PIKFYVE: variants seen among roughly 807,000 people sequenced by gnomAD.
PIKFYVE encodes 1-phosphatidylinositol 3-phosphate 5-kinase.
PIKFYVE carries 122 observed loss-of-function variants against 257.9 expected under a neutral mutation model. The observed-to-expected ratio is 0.47, with a 90% CI of 0.41 to 0.55. The LOEUF is 0.55. PIKFYVE is among the 20% of genes least tolerant of loss of function. The probability of loss-of-function intolerance (pLI) is 0.00; values close to 1 mark genes in which losing one functional copy is unlikely to be tolerated. For synonymous variants in PIKFYVE, 892 were observed against 868.9 expected, an observed-to-expected ratio of 1.03 and a Z score of -0.47; for missense variants, 2,160 against 2,536.6, an observed-to-expected ratio of 0.85 and a Z score of 3.19.
chr2:208,274,231 T>C (rs982760877), intron 3 of PIKFYVE, among the ~76,000 whole-genome samples: 1 of 152,238 alleles, frequency 6.6e-6, no homozygotes, highest in Admixed American at 6.5e-5. Flanking sequence ...GCTGAGCTCC[T>C]CTCATCTGTC....
chr2:208,267,153 G>A (rs1321926442), intron 1 of PIKFYVE, among the ~76,000 whole-genome samples: 1 of 152,190 alleles, frequency 6.6e-6, no homozygotes, highest in East Asian at 1.9e-4. Flanking sequence ...TACTATTGAC[G>A]CAGTGCATCC....
At chr2:208,337,426 A>G (rs10189253) in intron 28 of PIKFYVE, among the ~76,000 whole-genome samples, 2,036 of 152,168 alleles carry the variant, frequency 0.013, 56 homozygotes, top group African/African-American at 0.047. Flanking sequence ...AGATAGATAT[A>G]TCTATATAGA....
At position 208,342,614 on chromosome 2, in the gene PIKFYVE, G is replaced by C. The variant is rs1698816129; in HGVS notation, c.4992G>C (p.Glu1664Asp). The change falls in exon 32 of 42, where the codon GAG becomes GAC. Residue 1664 changes from glutamate (E) to aspartate (D), a missense_variant. Physicochemically the swap from Glu to Asp is conservative, Grantham distance 45 (BLOSUM62 2). This residue lies in a region of PIKFYVE where 699 missense variants were observed against 855.8 expected (regional missense o/e 0.82). Transcript: ENST00000264380. ...AACGAGTGCCCATTGCAGTCTGCGA[G>C]AAGGAACCCAGCTCCATCATTGCTT... Reference protein sequence around the residue: ...EHERVPIAVCEKEPSSIIAFA... With the variant: ...EHERVPIAVCDKEPSSIIAFA... 3 of 1,613,780 alleles carry C rather than the reference G, an allele frequency of 1.9e-6. No homozygotes were observed. Among genetic ancestry groups the C allele is most frequent in the Non-Finnish European group, 1.7e-6 (2 of 1,179,734 alleles).
intron 6 of PIKFYVE, 59 bp downstream of exon 6, chr2:208,285,992 C>T (rs956309838): frequency 7.4e-6 from 11 of 1,493,346 alleles, no homozygotes; most frequent in South Asian, 1.1e-5. Context: ...GTTGTCTGAC[C>T]TTTGAGTGCT....
intron 10 of PIKFYVE, chr2:208,302,577 TA>T: frequency 1.9e-6 from 1 of 513,708 alleles, no homozygotes. Flanking sequence ...GATCAGACAA[TA>T]AAAAAGGAAA....
intron 3 of PIKFYVE, chr2:208,273,979 CT>C (rs1559386667): frequency 6.3e-7 from 1 of 1,598,128 alleles, no homozygotes; most frequent in Admixed American, 1.7e-5. Context: ...GCACAGATTT[CT>C]TGACTATTTT....
intron 1 of PIKFYVE, chr2:208,269,964 T>A: frequency 4.3e-6 from 1 of 231,450 alleles, no homozygotes; most frequent in South Asian, 8.5e-5. Context: ...GCATGATGTC[T>A]GGTGGCCAAA....
chr2:208,289,992 T>TA (rs1343569102), intron 7 of PIKFYVE, among the ~76,000 whole-genome samples: 5 of 152,174 alleles, frequency 3.3e-5, no homozygotes, highest in Non-Finnish European at 5.9e-5. Context: ...TTAAGGTTCA[T>TA]ACAAAAAATG....
At chr2:208,308,494 T>C (rs1694603889) in intron 12 of PIKFYVE, among the ~76,000 whole-genome samples, 1 of 152,142 alleles carries the variant, frequency 6.6e-6, no homozygotes, top group African/African-American at 2.4e-5. Context: ...TACACTATTA[T>C]TAACTGTAGT....
rs777841148 is a variant in PIKFYVE at position 208,312,225 on chromosome 2, C to T, written c.1637-11C>T. On this transcript the variant is annotated splice_polypyrimidine_tract_variant and intron_variant, in intron 12 of 41. Coordinates refer to ENST00000264380, the MANE Select transcript of PIKFYVE (RefSeq NM_015040.4). The stretch of plus-strand genomic sequence containing the variant: ...TTTGTTCCTCCTCTCTGTTGTCTCC[C>T]TGGTATGCAGAGTATTTGATTTCTG... 1.9e-6 allele frequency: 3 copies of T among 1,604,522 alleles called. No homozygotes were observed. The South Asian group carries it at 3.3e-5, about 18-fold the overall frequency.
rs201145651 is a variant in PIKFYVE at position 208,325,508 on chromosome 2, G to A, written c.2697G>A (p.Glu899=). The A allele has an allele frequency of 5.6e-6, 9 of 1,614,190 alleles. No individual in the cohort carries two copies. The East Asian group carries it at 1.8e-4, about 32-fold the overall frequency. Residue 899 remains glutamate, a synonymous_variant, in exon 20 of 42, where the codon GAG becomes GAA. Coordinates refer to ENST00000264380, the MANE Select transcript of PIKFYVE (RefSeq NM_015040.4). ...CCCTGATTGAGGGACGAGGGCATGA[G>A]GGGGCTGTCCAAGAGCAGTACGGTG... The part of the protein sequence containing the change: ...FHSLIEGRGH[E]GAVQEQYGGG...
chr2:208,325,012 T>C lies in PIKFYVE; in HGVS notation c.2433T>C (p.Tyr811=), dbSNP rs1696751513. The C allele has an allele frequency of 6.2e-7, 1 of 1,614,030 alleles. No individual in the cohort carries two copies. The highest frequency in any genetic ancestry group is 1.7e-5 in the Admixed American group (1 of 59,994). The change falls in exon 19 of 42, where the codon TAT becomes TAC. Residue 811 remains tyrosine, a synonymous_variant. Transcript: ENST00000264380. ...KPHLGTCHKF[Y]MQIFQLPNEQ... ...ACCTGGGCACTTGTCACAAATTTTA[T>C]ATGCAGATATTTCAGTTGCCTAATG...
rs35997291 is a variant in PIKFYVE, at chr2:208,348,599, AGTGT to A, written c.5374+611_5374+614del. On this transcript the variant is annotated intron_variant, in intron 35 of 41. Transcript: ENST00000264380. ...CCTCTGTCTCTACCAAAAAAAAAAA[AGTGT>A]GTGTGTGTGTGTGTGTGTGTGTGTG... Among the ~76,000 whole-genome samples the A allele has an allele frequency of 7.8e-3, 1,007 of 128,988 alleles. 18 individuals carry two copies. In the East Asian group the frequency reaches 0.091, roughly 12 times the overall value. The allele number at this position is 128,988 out of a possible 152,430, so 84.6% of individuals were successfully genotyped here. A position where few individuals can be genotyped will look rare whatever the true frequency, so the allele number is the denominator to read the frequency against.
intron 3 of PIKFYVE, among the ~76,000 whole-genome samples, chr2:208,275,632 A>G (rs1690000959): frequency 6.6e-6 from 1 of 152,234 alleles, no homozygotes; most frequent in African/African-American, 2.4e-5. Flanking sequence ...TTCAGTGATT[A>G]CATTATCTTG....
At chr2:208,270,839 G>C (rs1422791264) in intron 1 of PIKFYVE, among the ~76,000 whole-genome samples, 1 of 152,024 alleles carries the variant, frequency 6.6e-6, no homozygotes, top group Non-Finnish European at 1.5e-5. Flanking sequence ...TTGGAGACCA[G>C]CCTGGCCAAC....
chr2:208,325,061 G>A (rs1358807098), intron 19 of PIKFYVE, 24 bp downstream of exon 19: 2 of 1,613,700 alleles, frequency 1.2e-6, no homozygotes, highest in African/African-American at 2.7e-5. Flanking sequence ...AGCATAGATT[G>A]ACCTGAGGAA....
chr2:208,342,628 C>A lies in PIKFYVE; in HGVS notation c.5006C>A (p.Ser1669Tyr). ...GCAGTCTGCGAGAAGGAACCCAGCT[C>A]CATCATTGCTTTTGCTCTCAGGTAT... ...PIAVCEKEPS[S>Y]IIAFALSCKE... Residue 1669 changes from serine to tyrosine, a missense_variant, in exon 32 of 42, where the codon TCC becomes TAC. Ser to Tyr is a moderately radical substitution (Grantham distance 144, BLOSUM62 -2). Around this residue, in one of 12 missense-constraint regions of PIKFYVE, gnomAD observed 699 missense variants for 855.8 expected, o/e 0.82. Coordinates refer to ENST00000264380, the MANE Select transcript of PIKFYVE (RefSeq NM_015040.4). The A allele has an allele frequency of 6.2e-7, 1 of 1,612,358 alleles. No homozygotes were observed. Among genetic ancestry groups the A allele is most frequent in the Non-Finnish European group, 8.5e-7 (1 of 1,178,448 alleles).
At chr2:208,344,636 T>A (rs529199173) in intron 32 of PIKFYVE, among the ~76,000 whole-genome samples, 1 of 152,092 alleles carries the variant, frequency 6.6e-6, no homozygotes, top group East Asian at 1.9e-4. Flanking sequence ...ATGACATTTA[T>A]CTAAAGCAGG....
At chr2:208,330,053 C>G in intron 22 of PIKFYVE, 140 bp downstream of exon 22, 17 of 1,201,188 alleles carry the variant, frequency 1.4e-5, no homozygotes, top group Non-Finnish European at 2.0e-5. Context: ...GTATATCATT[C>G]AAAGAAGTAA....
Sources: gnomAD v4.1 joint callset for allele counts (sites outside exome capture counted in the v4.1 genomes callset) on GRCh38, gnomAD v4.1.1 for gene constraint, gnomAD v4.1.1 regional missense constraint, MANE v1.5 for transcripts, NCBI Gene and HGNC (gene_info 2026-07-23, HGNC 2026-07-21) for gene names.